The following KIF1B variants were observed in gnomAD, a reference collection of about 807,000 sequenced individuals.
KIF1B encodes kinesin-like protein KIF1B.
In KIF1B, 76 loss-of-function variants were observed where a neutral mutation model predicts 241.9. The observed-to-expected ratio is 0.31, with a 90% CI of 0.26 to 0.38. The LOEUF (loss-of-function observed/expected upper bound fraction) is 0.38. Among genes scored for constraint, KIF1B ranks in the 10% least tolerant of loss-of-function variants. The pLI is 1.00. For missense variants in KIF1B, 1,622 were observed against 2,271.4 expected (o/e 0.71, Z 5.81); for synonymous variants, 750 against 796.7 (o/e 0.94, Z 0.99).
intron 7 of KIF1B, among the ~76,000 whole-genome samples, chr1:10,268,741 C>A (rs993882202): frequency 2.0e-5 from 3 of 151,388 alleles, no homozygotes; most frequent in African/African-American, 7.3e-5. Flanking sequence ...TCTTCAAATA[C>A]CTTTCTTTGC....
intron 12 of KIF1B, 122 bp from the exon 13 acceptor site, chr1:10,277,861 GTAT>G (rs1177877475): frequency 3.6e-6 from 3 of 831,212 alleles, no homozygotes; most frequent in Middle Eastern, 2.7e-4. Flanking sequence ...TTATACAAAT[GTAT>G]TATTATCAAG....
At chr1:10,248,235 G>A (rs1170735513) in intron 2 of KIF1B, among the ~76,000 whole-genome samples, 2 of 152,006 alleles carry the variant, frequency 1.3e-5, no homozygotes, top group African/African-American at 2.4e-5. Flanking sequence ...TCGTTATGTT[G>A]CCCAGGCTGG....
At chr1:10,314,130 C>T (rs1250524402) in intron 22 of KIF1B, among the ~76,000 whole-genome samples, 2 of 151,476 alleles carry the variant, frequency 1.3e-5, no homozygotes, top group Non-Finnish European at 2.9e-5. Context: ...AACTCACCCG[C>T]CTCGGCCTCC....
chr1:10,299,623 T>C (rs559040555), intron 22 of KIF1B, among the ~76,000 whole-genome samples: 1 of 152,362 alleles, frequency 6.6e-6, no homozygotes, highest in South Asian at 2.1e-4. Flanking sequence ...TAATCACTTT[T>C]TGCATAATGT....
intron 1 of KIF1B, among the ~76,000 whole-genome samples, chr1:10,211,243 C>G (rs1162067997): frequency 6.6e-6 from 1 of 152,236 alleles, no homozygotes; most frequent in African/African-American, 2.4e-5. Flanking sequence ...TCGTTTGAAG[C>G]CATCGTTTCT....
intron 33 of KIF1B, among the ~76,000 whole-genome samples, chr1:10,342,739 C>T (rs1158622662): frequency 2.0e-5 from 3 of 152,130 alleles, no homozygotes; most frequent in Admixed American, 2.0e-4. Flanking sequence ...GCTATTGATA[C>T]CAACATCCAA....
chr1:10,260,645 A>G (rs1426929466), intron 4 of KIF1B, among the ~76,000 whole-genome samples: 1 of 152,042 alleles, frequency 6.6e-6, no homozygotes, highest in Non-Finnish European at 1.5e-5. Context: ...CGGGTGGATC[A>G]CTGGAGGTCA....
At position 10,278,142 on chromosome 1, in the gene KIF1B, G is replaced by A. The variant is rs1027732272; in HGVS notation, c.1180+14G>A. 22 of 1,613,024 alleles carry A rather than the reference G, an allele frequency of 1.4e-5. No homozygotes were observed. Among genetic ancestry groups the A allele is most frequent in the Non-Finnish European group, 1.7e-5 (20 of 1,179,122 alleles). On this transcript the variant is annotated intron_variant, in intron 13 of 48. Transcript: ENST00000676179. ...ATATTATTGATAGTAAGTGAATTAA[G>A]GATCGTTACAAAATCTAATCCTTTC...
At chr1:10,244,051 A>G (rs957573414) in intron 2 of KIF1B, among the ~76,000 whole-genome samples, 1 of 152,028 alleles carries the variant, frequency 6.6e-6, no homozygotes, top group African/African-American at 2.4e-5. Context: ...GTTTTTTAAT[A>G]CTCTGGGATC....
At chr1:10,293,049 A>G (rs143979337) in intron 17 of KIF1B, among the ~76,000 whole-genome samples, 17 of 148,890 alleles carry the variant, frequency 1.1e-4, no homozygotes, top group African/African-American at 4.2e-4. Context: ...TTTCGCTACA[A>G]TTCTTCTGGT....
Position 10,365,298 on chromosome 1 carries a change from A to C in KIF1B, c.4512+53A>C. On this transcript the variant is annotated intron_variant, in intron 42 of 48. Coordinates refer to ENST00000676179, the MANE Select transcript of KIF1B (RefSeq NM_001365951.3). This position sits in a 1 kb window ranked among gnomAD's most constrained non-coding sequence, Gnocchi z 4.0. ...CAAGAACTCTCGGACAAGATTGCCA[A>C]AGTATCAGTCTTCCTCCCCGCTGCT... 2 of 1,613,332 alleles carry C rather than the reference A, an allele frequency of 1.2e-6. No individual in the cohort carries two copies. Among genetic ancestry groups the C allele is most frequent in the Non-Finnish European group, 8.5e-7 (1 of 1,179,542 alleles).
chr1:10,341,926 C>T (rs929781538), intron 32 of KIF1B, 124 bp from the exon 33 acceptor site: 37 of 722,552 alleles, frequency 5.1e-5, no homozygotes, highest in African/African-American at 4.9e-4. Context: ...GCCTTGTTTG[C>T]GTGCTACAGA....
At chr1:10,221,995 A>G (rs1446777524) in intron 1 of KIF1B, among the ~76,000 whole-genome samples, 1 of 152,120 alleles carries the variant, frequency 6.6e-6, no homozygotes, top group Non-Finnish European at 1.5e-5. Context: ...CTAGTATGGA[A>G]TTTAAAAGAC....
rs920730280 is a variant in KIF1B at position 10,314,629 on chromosome 1, G to A, written c.2116-5414G>A. ...GAAACAGGGTCTCACTATGTTGCCC[G>A]GACTGGTCTCAAACTCCTGAGCTCA... On this transcript the variant is annotated intron_variant, in intron 22 of 48. Coordinates refer to ENST00000676179, the MANE Select transcript of KIF1B (RefSeq NM_001365951.3). Among the ~76,000 whole-genome samples the A allele has an allele frequency of 5.3e-5, 8 of 151,028 alleles. 1 individual carries two copies. Among genetic ancestry groups the A allele is most frequent in the South Asian group, 2.1e-4 (1 of 4,798 alleles).
intron 4 of KIF1B, among the ~76,000 whole-genome samples, chr1:10,260,084 A>G (rs905703378): frequency 1.3e-5 from 2 of 152,212 alleles, no homozygotes; most frequent in South Asian, 2.1e-4. Flanking sequence ...TTGTCATTGT[A>G]CAGATATCAT....
At chr1:10,314,171 C>T (rs899141656) in intron 22 of KIF1B, among the ~76,000 whole-genome samples, 1 of 151,410 alleles carries the variant, frequency 6.6e-6, no homozygotes, top group African/African-American at 2.5e-5. Flanking sequence ...CATGAGCCAC[C>T]GCGTCCAGCC....
intron 18 of KIF1B, 70 bp downstream of exon 18, chr1:10,295,235 A>G (rs1650203711): frequency 1.1e-6 from 1 of 938,732 alleles, no homozygotes; most frequent in African/African-American, 1.6e-5. Context: ...AACTAAAGGG[A>G]AGGGGTTGAA....
chr1:10,322,647 TCTC>T (rs1209539800), intron 24 of KIF1B, among the ~76,000 whole-genome samples: 1 of 152,156 alleles, frequency 6.6e-6, no homozygotes, highest in African/African-American at 2.4e-5. Context: ...TTAATTATCT[TCTC>T]CTAGAACTAA....
chr1:10,311,369 G>A (rs138903426), intron 22 of KIF1B, among the ~76,000 whole-genome samples: 7 of 150,790 alleles, frequency 4.6e-5, no homozygotes, highest in East Asian at 3.9e-4. Flanking sequence ...CCACCACACC[G>A]AGCTAATTTT....
Sources: gnomAD v4.1 joint callset for allele counts (sites outside exome capture counted in the v4.1 genomes callset) on GRCh38, gnomAD v4.1.1 for gene constraint, Gnocchi (gnomAD v3.1) non-coding constraint, MANE v1.5 for transcripts, NCBI Gene and HGNC (gene_info 2026-07-23, HGNC 2026-07-21) for gene names.